Variants in LRRC37A observed in about 807,000 individuals in gnomAD.
LRRC37A encodes the protein leucine-rich repeat-containing protein 37A.
A neutral mutation model predicts 35.4 loss-of-function variants in LRRC37A; 3 were observed. The observed-to-expected ratio is 0.08, with a 90% CI of 0.04 to 0.22. The LOEUF (loss-of-function observed/expected upper bound fraction) is 0.22, where lower values mean the gene tolerates loss of function less well. Ranked by LOEUF, LRRC37A falls within the 10% of genes least tolerant of loss-of-function variation. The pLI is 1.00. For missense variants in LRRC37A, 67 were observed against 565.3 expected (o/e 0.12, Z 8.94); for synonymous variants, 23 against 215.0 (o/e 0.11, Z 7.81).
the LRRC37A span, among the ~76,000 whole-genome samples, chr17:46,277,980 T>G: frequency 2.7e-5 from 4 of 150,884 alleles, no homozygotes; most frequent in African/African-American, 9.8e-5. Flanking sequence ...AGTCTCGTTC[T>G]TGTCGCCCAG....
chr17:46,267,893 CTTTTTTT>C, the LRRC37A span, among the ~76,000 whole-genome samples: 2 of 89,280 alleles, frequency 2.2e-5, no homozygotes, highest in East Asian at 4.6e-4. Context: ...ACTCCCACAT[CTTTTTTT>C]TTTTTTTTTT....
chr17:46,265,515 G>A, the LRRC37A span, among the ~76,000 whole-genome samples: 4 of 121,760 alleles, frequency 3.3e-5, no homozygotes, highest in Non-Finnish European at 6.0e-5. Context: ...CAGGGTCTCC[G>A]TCACCCAGGC....
At chr17:46,265,484 C>CTTTTTT in the LRRC37A span, among the ~76,000 whole-genome samples, 4 of 145,444 alleles carry the variant, frequency 2.8e-5, no homozygotes, top group Non-Finnish European at 6.1e-5. Flanking sequence ...CTTCTTCTTT[C>CTTTTTT]TTTTTTTTTC....
In LRRC37A at chr17:46,325,962, TG is replaced by T. The variant is rs1196891718; in HGVS notation, c.3054-2425del. Among the ~76,000 whole-genome samples, 12 of 68,384 alleles carry T rather than the reference TG, an allele frequency of 1.8e-4. 3 individuals are homozygous for T. Among genetic ancestry groups the T allele is most frequent in the African/African-American group, 3.2e-4 (10 of 30,850 alleles). 44.9% of individuals were successfully genotyped at this position (68,384 alleles called of 152,430 possible). On this transcript the variant is annotated intron_variant, in intron 7 of 13. Coordinates refer to ENST00000320254, the Ensembl canonical transcript of LRRC37A. ...AAAGAAAATGTTTAAAATAAAAAGT[TG>T]GGGGCAGAAAAAGAATACCAAAAAT...
chr17:46,287,949 A>T (rs867255165), upstream of LRRC37A, among the ~76,000 whole-genome samples: 3,095 of 126,228 alleles, frequency 0.025, no homozygotes, highest in Non-Finnish European at 0.04. Context: ...GTGTAGGAAC[A>T]TCATGTCAAA....
chr17:46,272,604 G>T, the LRRC37A span, among the ~76,000 whole-genome samples: 2 of 152,048 alleles, frequency 1.3e-5, no homozygotes, highest in South Asian at 2.1e-4. Flanking sequence ...TAGTAGAGAT[G>T]GGGTTTCACC....
chr17:46,272,980 A>G, the LRRC37A span, among the ~76,000 whole-genome samples: 1 of 152,230 alleles, frequency 6.6e-6, no homozygotes, highest in Non-Finnish European at 1.5e-5. Flanking sequence ...TCCAATGTCA[A>G]AAACATTACT....
chr17:46,291,957 C>T (rs1302938646), upstream of LRRC37A, among the ~76,000 whole-genome samples: 1 of 90,108 alleles, frequency 1.1e-5, no homozygotes, highest in Non-Finnish European at 2.3e-5. Flanking sequence ...TAAGGCCCTG[C>T]TTCTCAAAAA....
At chr17:46,274,980 C>G in the LRRC37A span, 1 of 157,088 alleles carries the variant, frequency 6.4e-6, no homozygotes, top group Non-Finnish European at 1.4e-5. Context: ...ACAACCTCTG[C>G]CTCCCGGGTT....
At chr17:46,271,196 G>C in the LRRC37A span, among the ~76,000 whole-genome samples, 2 of 133,942 alleles carry the variant, frequency 1.5e-5, no homozygotes, top group Non-Finnish European at 3.2e-5. Flanking sequence ...AAGGAGTTTC[G>C]CTCTTGTTGC....
the LRRC37A span, among the ~76,000 whole-genome samples, chr17:46,280,755 G>A: frequency 2.0e-5 from 3 of 152,044 alleles, no homozygotes; most frequent in Admixed American, 6.5e-5. Flanking sequence ...TGTATTTTTA[G>A]TAGGGACGAG....
chr17:46,267,633 C>G, the LRRC37A span: 2 of 1,414,632 alleles, frequency 1.4e-6, no homozygotes, highest in Non-Finnish European at 2.0e-6. Flanking sequence ...GGATGGGGGA[C>G]AGTATTGTAA....
chr17:46,288,465 C>T (rs1160116461), upstream of LRRC37A, among the ~76,000 whole-genome samples: 1 of 152,008 alleles, frequency 6.6e-6, no homozygotes, highest in South Asian at 2.1e-4. Flanking sequence ...TGTGCCACCA[C>T]ATCTGGCTAA....
the LRRC37A span, among the ~76,000 whole-genome samples, chr17:46,285,252 T>C: frequency 6.6e-6 from 1 of 151,318 alleles, no homozygotes; most frequent in African/African-American, 2.4e-5. Context: ...TTTTTTTTTT[T>C]TTTTTTGAGA....
At chr17:46,323,503 TCTC>T (rs1429540510) in intron 7 of LRRC37A, among the ~76,000 whole-genome samples, 5 of 93,938 alleles carry the variant, frequency 5.3e-5, no homozygotes, top group African/African-American at 1.7e-4. Context: ...TTCAAGTGGT[TCTC>T]CTGCCTCAGC....
At chr17:46,249,204 C>G in the LRRC37A span, among the ~76,000 whole-genome samples, 3 of 152,062 alleles carry the variant, frequency 2.0e-5, no homozygotes, top group African/African-American at 7.3e-5. Flanking sequence ...CAGTAGTATT[C>G]CAGTTGTGTG....
rs1314389097 is a variant in LRRC37A at position 46,335,406 on chromosome 17, C to T, written c.4810-139C>T. ...CTATGGAAGAATCAAAGCAGTGTTA[C>T]ACAGCATACAATTCCTGTCTTCAAA... On this transcript the variant is annotated intron_variant, in intron 10 of 13. Transcript: ENST00000320254. 4 of 133,490 alleles carry T rather than the reference C, an allele frequency of 3.0e-5. 1 individual carries two copies. Among genetic ancestry groups the T allele is most frequent in the African/African-American group, 8.3e-5 (4 of 48,206 alleles). 8.3% of individuals were successfully genotyped at this position (133,490 alleles called of 1,614,324 possible). A position where few individuals can be genotyped will look rare whatever the true frequency, so the allele number is the denominator to read the frequency against.
the LRRC37A span, among the ~76,000 whole-genome samples, chr17:46,265,234 G>A: frequency 7.3e-5 from 11 of 151,288 alleles, no homozygotes; most frequent in Non-Finnish European, 1.0e-4. Context: ...AATGCTCAAC[G>A]GACAAATTTC....
chr17:46,263,097 CAGCTACTCT>C, the LRRC37A span, among the ~76,000 whole-genome samples: 5 of 151,960 alleles, frequency 3.3e-5, no homozygotes, highest in Non-Finnish European at 7.4e-5. Context: ...CCTGTAGTCC[CAGCTACTCT>C]GGAGGCGAAG....
Sources: gnomAD v4.1 joint callset for allele counts (sites outside exome capture counted in the v4.1 genomes callset) on GRCh38, gnomAD v4.1.1 for gene constraint, MANE v1.5 for transcripts, NCBI Gene and HGNC (gene_info 2026-07-23, HGNC 2026-07-21) for gene names.